The following PTPRG variants were observed in gnomAD, a reference collection of about 807,000 sequenced individuals.
PTPRG encodes the protein protein tyrosine phosphatase receptor type G, also known as receptor-type tyrosine-protein phosphatase gamma.
A neutral mutation model predicts 165.3 loss-of-function variants in PTPRG; 102 were observed. That is an observed-to-expected ratio of 0.62 (90% CI 0.53 to 0.73). The LOEUF is 0.73. Ranked by LOEUF, PTPRG falls within the 30% of genes least tolerant of loss-of-function variation. The pLI, the probability that PTPRG is intolerant of heterozygous loss-of-function variation, is 0.00. For synonymous variants in PTPRG, 675 were observed against 669.5 expected, an observed-to-expected ratio of 1.01 and a Z score of -0.13; for missense variants, 1,866 against 1,861.4, an observed-to-expected ratio of 1.00 and a Z score of -0.05.
chr3:62,227,901 T>C (rs1268114427), intron 13 of PTPRG, among the ~76,000 whole-genome samples: 1 of 152,234 alleles, frequency 6.6e-6, no homozygotes, highest in Non-Finnish European at 1.5e-5. Flanking sequence ...AAAACCCCAG[T>C]TATCTGGCTT....
chr3:62,075,471 C>T (rs181163851), intron 4 of PTPRG, among the ~76,000 whole-genome samples: 14 of 152,258 alleles, frequency 9.2e-5, no homozygotes, highest in Admixed American at 7.2e-4. Flanking sequence ...CTGTCCAAAC[C>T]GTAAGGCAAC....
intron 2 of PTPRG, among the ~76,000 whole-genome samples, chr3:61,920,124 G>C (rs2039041688): frequency 6.6e-6 from 1 of 152,184 alleles, no homozygotes; most frequent in African/African-American, 2.4e-5. Flanking sequence ...CCACATGCCT[G>C]CACTCGTCCC....
chr3:61,730,288 C>T (rs1194565623), intron 1 of PTPRG, among the ~76,000 whole-genome samples: 2 of 152,210 alleles, frequency 1.3e-5, no homozygotes, highest in Admixed American at 1.3e-4. Context: ...ACCTTTATGG[C>T]TCAAACCAGG....
At chr3:62,123,232 C>A (rs1270421608) in intron 5 of PTPRG, among the ~76,000 whole-genome samples, 1 of 152,162 alleles carries the variant, frequency 6.6e-6, no homozygotes, top group Admixed American at 6.5e-5. Context: ...AACCCAGTTC[C>A]TCAAGGGCTA....
At chr3:61,980,899 C>A (rs1217980643) in intron 2 of PTPRG, among the ~76,000 whole-genome samples, 2 of 152,202 alleles carry the variant, frequency 1.3e-5, no homozygotes, top group African/African-American at 2.4e-5. Context: ...AGGAGGGCCT[C>A]TTCTCCCCTA....
intron 2 of PTPRG, chr3:61,750,723 C>G (rs542773600): frequency 9.8e-5 from 15 of 152,294 alleles, no homozygotes; most frequent in Non-Finnish European, 1.9e-4. Flanking sequence ...TGGCTGTGCT[C>G]TGATAAAAAT....
intron 2 of PTPRG, among the ~76,000 whole-genome samples, chr3:61,988,437 T>G (rs149919329): frequency 2.0e-5 from 3 of 152,276 alleles, no homozygotes; most frequent in African/African-American, 7.2e-5. Flanking sequence ...GGACTCTTAT[T>G]TAGTGGTAGG....
At chr3:61,851,263 CAGGGAAGA>C (rs1392470206) in intron 2 of PTPRG, among the ~76,000 whole-genome samples, 1 of 152,148 alleles carries the variant, frequency 6.6e-6, no homozygotes, top group Non-Finnish European at 1.5e-5. Flanking sequence ...GGATTAGATT[CAGGGAAGA>C]ATCTAATCAG....
intron 1 of PTPRG, among the ~76,000 whole-genome samples, chr3:61,562,772 C>T (rs1299776194): frequency 6.6e-6 from 1 of 152,090 alleles, no homozygotes; most frequent in Non-Finnish European, 1.5e-5. Flanking sequence ...TTTGGGGGGC[C>T]CGGGATGAGC....
chr3:61,730,176 G>C (rs1273663373), intron 1 of PTPRG, among the ~76,000 whole-genome samples: 1 of 152,214 alleles, frequency 6.6e-6, no homozygotes, highest in Non-Finnish European at 1.5e-5. Flanking sequence ...TACCGTCTGT[G>C]TTGGCAGAAC....
At chr3:61,746,075 G>T (rs1264262534) in intron 1 of PTPRG, among the ~76,000 whole-genome samples, 1 of 142,784 alleles carries the variant, frequency 7.0e-6, no homozygotes, top group African/African-American at 2.6e-5. Flanking sequence ...TTGAGACAGG[G>T]TCTCACTCTG....
At chr3:62,177,824 T>C (rs1225620289) in intron 8 of PTPRG, among the ~76,000 whole-genome samples, 1 of 152,188 alleles carries the variant, frequency 6.6e-6, no homozygotes, top group Non-Finnish European at 1.5e-5. Context: ...CAGCCACTTG[T>C]TTCAGGGCAC....
intron 2 of PTPRG, among the ~76,000 whole-genome samples, chr3:61,943,272 G>A (rs1448023581): frequency 6.6e-6 from 1 of 152,128 alleles, no homozygotes; most frequent in Non-Finnish European, 1.5e-5. Context: ...TTGTGAACCT[G>A]TTTTCTAAAA....
chr3:61,893,820 T>C (rs996331483), intron 2 of PTPRG, among the ~76,000 whole-genome samples: 3 of 152,194 alleles, frequency 2.0e-5, no homozygotes, highest in Non-Finnish European at 4.4e-5. Context: ...AAGAGAAACA[T>C]TTCGTTTATG....
chr3:61,828,979 A>T (rs537873634), intron 2 of PTPRG, among the ~76,000 whole-genome samples: 3 of 152,200 alleles, frequency 2.0e-5, no homozygotes, highest in Non-Finnish European at 4.4e-5. Flanking sequence ...TCCAATATTT[A>T]AAGTGTAGGT....
At chr3:61,625,935 GACCATT>G (rs1701594915) in intron 1 of PTPRG, among the ~76,000 whole-genome samples, 1 of 151,734 alleles carries the variant, frequency 6.6e-6, no homozygotes, top group African/African-American at 2.4e-5. Context: ...CAAGCATTGA[GACCATT>G]ACCTCCTGAG....
chr3:61,819,974 T>A (rs1464084335), intron 2 of PTPRG, among the ~76,000 whole-genome samples: 1 of 152,152 alleles, frequency 6.6e-6, no homozygotes, highest in African/African-American at 2.4e-5. Flanking sequence ...TCATATTTTT[T>A]AAGTGTTTCC....
chr3:61,984,364 C>T (rs1309017880), intron 2 of PTPRG, among the ~76,000 whole-genome samples: 1 of 152,064 alleles, frequency 6.6e-6, no homozygotes, highest in Non-Finnish European at 1.5e-5. Context: ...TGATTATTTT[C>T]TTTACCGTAG....
intron 16 of PTPRG, among the ~76,000 whole-genome samples, chr3:62,256,631 C>G (rs1426704308): frequency 3.9e-5 from 6 of 152,130 alleles, no homozygotes; most frequent in African/African-American, 1.4e-4. Context: ...TGACTGTTGG[C>G]TGGATGACTG....
Sources: allele counts gnomAD v4.1 joint callset (sites outside exome capture counted in the v4.1 genomes callset), GRCh38; gene constraint gnomAD v4.1.1; transcripts MANE v1.5; gene names NCBI Gene and HGNC (gene_info 2026-07-23, HGNC 2026-07-21).